CDC42BPG: variants seen among roughly 807,000 people sequenced by gnomAD.
CDC42BPG encodes CDC42 binding protein kinase gamma, also known as serine/threonine-protein kinase MRCK gamma.
A neutral mutation model predicts 192.2 loss-of-function variants in CDC42BPG; 157 were observed. That is an observed-to-expected ratio of 0.82 (90% CI 0.72 to 0.93). The LOEUF (loss-of-function observed/expected upper bound fraction) is 0.93. CDC42BPG is among the 40% of genes least tolerant of loss of function. CDC42BPG has a pLI of 0.00. For missense variants in CDC42BPG, 1,992 were observed against 2,122.1 expected, an observed-to-expected ratio of 0.94 and a Z score of 1.20; for synonymous variants, 981 against 918.5, an observed-to-expected ratio of 1.07 and a Z score of -1.23.
Position 64,836,783 on chromosome 11 carries a change from T to G in CDC42BPG, c.1340A>C (p.Glu447Ala). 6.5e-7 allele frequency: 1 copy of G among 1,537,858 alleles called. No individual in the cohort carries two copies. Among genetic ancestry groups the G allele is most frequent in the Non-Finnish European group, 8.8e-7 (1 of 1,136,940 alleles). Residue 447 changes from glutamate to alanine, a missense_variant, in exon 11 of 37, where the codon GAG (glutamate) becomes GCG (alanine). Coordinates refer to ENST00000342711, the MANE Select transcript of CDC42BPG (RefSeq NM_017525.3). ...AGTCTGCACTTCCTTCCGTAGCTGC[T>G]CCAGCTCCCGATGGTCTGTGGGGGC... The part of the protein sequence containing the change: ...LHAPTDHREL[E>A]QLRKEVQTLR...
intron 1 of CDC42BPG, among the ~76,000 whole-genome samples, chr11:64,844,155 G>A (rs1225768260): frequency 6.6e-6 from 1 of 152,102 alleles, no homozygotes. Flanking sequence ...CGATACCTGA[G>A]CACAAGTTGG....
intron 1 of CDC42BPG, among the ~76,000 whole-genome samples, chr11:64,843,214 C>T (rs1943358665): frequency 6.6e-6 from 1 of 152,034 alleles, no homozygotes; most frequent in Non-Finnish European, 1.5e-5. Context: ...TGAGTCACAG[C>T]CCTTTGAGTT....
chr11:64,836,608 T>C lies in CDC42BPG; in HGVS notation c.1385-78A>G, dbSNP rs1943003487. On this transcript the variant is annotated intron_variant, in intron 11 of 36. Coordinates refer to ENST00000342711, the MANE Select transcript of CDC42BPG (RefSeq NM_017525.3). ...CCCAGGAGCAAGTCTCCTTGGCCTG[T>C]TTCCCACACGCGGGCTCAGAGAGTA... 14 of 1,348,150 alleles carry C rather than the reference T, an allele frequency of 1.0e-5. No homozygotes were observed. The South Asian group carries it at 1.4e-4, about 13-fold the overall frequency. The allele number at this position is 1,348,150 out of a possible 1,614,324, so 83.5% of individuals were successfully genotyped here. A position where few individuals can be genotyped will look rare whatever the true frequency, so the allele number is the denominator to read the frequency against.
Position 64,836,548 on chromosome 11 carries a change from T to C in CDC42BPG, c.1385-18A>G. On this transcript the variant is annotated intron_variant, in intron 11 of 36. Transcript: ENST00000342711. ...CAGCATCTCTGCCAGGAAGAGTCAC[T>C]GAGACCTCGAGTGCTGGCGGCCCCA... 6.2e-7 allele frequency: 1 copy of C among 1,607,248 alleles called. No individual in the cohort carries two copies. The highest frequency in any genetic ancestry group is 1.1e-5 in the South Asian group (1 of 90,986).
intron 5 of CDC42BPG, 66 bp from the exon 6 acceptor site, chr11:64,839,637 GC>G: frequency 7.4e-7 from 1 of 1,343,792 alleles, no homozygotes; most frequent in Non-Finnish European, 1.0e-6. Flanking sequence ...TTAGGCACAC[GC>G]CCAGGTGCAC....
rs1294869407 is a variant in CDC42BPG at position 64,834,970 on chromosome 11, G to A, written c.2061-7C>T. ...GACCTTCTCATCATTCACCCTGAAT[G>A]GGAAGGGGCTCAGGGTCATGGGCTG... is the stretch of plus-strand genomic sequence containing the variant. On this transcript the variant is annotated splice_region_variant and splice_polypyrimidine_tract_variant and intron_variant, in intron 17 of 36. Coordinates refer to ENST00000342711, the MANE Select transcript of CDC42BPG (RefSeq NM_017525.3). 6.2e-7 allele frequency: 1 copy of A among 1,613,528 alleles called. No homozygotes were observed. The highest frequency in any genetic ancestry group is 1.7e-5 in the Admixed American group (1 of 60,012).
chr11:64,834,666 C>G (rs570303403), intron 18 of CDC42BPG, 89 bp from the exon 19 acceptor site: 1 of 1,441,542 alleles, frequency 6.9e-7, no homozygotes, highest in African/African-American at 1.4e-5. Flanking sequence ...GCTACCCATG[C>G]CACCCAGCCA....
In CDC42BPG at chr11:64,838,697, T is replaced by C; in HGVS notation, c.1082A>G (p.Asp361Gly). Residue 361 changes from aspartate to glycine, a missense_variant, in exon 8 of 37, where the codon GAC (aspartate) becomes GGC (glycine). Coordinates refer to ENST00000342711, the MANE Select transcript of CDC42BPG (RefSeq NM_017525.3). The stretch of plus-strand genomic sequence containing the variant: ...GTCATCCACATCAAAGTTGGAGGTG[T>C]CCATGGGCCCCCGCAGCTCAGGAAT... ...PYIPELRGPM[D>G]TSNFDVDDDT... 1 of 1,613,190 alleles carries C rather than the reference T, an allele frequency of 6.2e-7. No homozygotes were observed.
In CDC42BPG at chr11:64,826,700, C is replaced by A. The variant is rs1449763508; in HGVS notation, c.4484G>T (p.Ser1495Ile). Residue 1495 changes from serine (S) to isoleucine (I), a missense_variant, in exon 35 of 37, where the codon AGC (serine) becomes ATC (isoleucine). Ser to Ile is a moderately radical substitution (Grantham distance 142). This residue lies in a region of CDC42BPG where 336 missense variants were observed against 277.9 expected (regional missense o/e 1.21). Coordinates refer to ENST00000342711, the MANE Select transcript of CDC42BPG (RefSeq NM_017525.3). ...GTCTGCGTCTCCACCGAGGCCTTCG[C>A]TGCCCATGGAGGCTGGGCGCCGCAA... ...EALRRPASMGSEGLGGDADPM... is the reference protein window; with the variant it reads ...EALRRPASMGIEGLGGDADPM... 4 of 1,557,254 alleles carry A rather than the reference C, an allele frequency of 2.6e-6. No individual in the cohort carries two copies. Among genetic ancestry groups the A allele is most frequent in the African/African-American group, 1.4e-5 (1 of 74,012 alleles).
chr11:64,832,527 C>A lies in CDC42BPG; in HGVS notation c.3006-18G>T. ...GGGGGTCCCTGGGAGGTTCACAGAA[C>A]AGGTCAGAAATCTCCCTGTCCCTGA... is the stretch of plus-strand genomic sequence containing the variant. On this transcript the variant is annotated intron_variant, in intron 26 of 36. Transcript: ENST00000342711. 1 of 1,613,986 alleles carries A rather than the reference C, an allele frequency of 6.2e-7. No homozygotes were observed. Among genetic ancestry groups the A allele is most frequent in the Non-Finnish European group, 8.5e-7 (1 of 1,179,928 alleles).
Position 64,824,542 on chromosome 11 carries a change from G to GA in CDC42BPG, c.4600-14dup. On this transcript the variant is annotated splice_polypyrimidine_tract_variant and intron_variant, in intron 36 of 36. Transcript: ENST00000342711. ...GCCGTTCTGAGACCTGCAGGAGAAA[G>GA]AAAAGGAAGTCAAGGGGTAGGATCA... 6.3e-7 allele frequency: 1 copy of GA among 1,595,412 alleles called. No individual in the cohort carries two copies. The highest frequency in any genetic ancestry group is 8.6e-7 in the Non-Finnish European group (1 of 1,163,474).
At position 64,835,117 on chromosome 11, in the gene CDC42BPG, G is replaced by T; in HGVS notation, c.1990C>A (p.Gln664Lys). 1 of 1,601,604 alleles carries T rather than the reference G, an allele frequency of 6.2e-7. No homozygotes were observed. ...AELAQEQESK[Q>K]RLEGERRETE... ...TCCCGCCGCTCACCCTCCAGCCGCTGCTTGCTCTCCTGCTCCTGGGCCAGC... is the reference window on the plus strand; with the variant it reads ...TCCCGCCGCTCACCCTCCAGCCGCTTCTTGCTCTCCTGCTCCTGGGCCAGC... The change falls in exon 17 of 37, where the codon CAG (glutamine) becomes AAG (lysine). Residue 664 changes from glutamine (Q) to lysine (K), a missense_variant. Physicochemically the swap from Gln to Lys is moderately conservative, Grantham distance 53. This residue lies in a region of CDC42BPG where 1,656 missense variants were observed against 1,844.3 expected (regional missense o/e 0.90). Transcript: ENST00000342711.
At chr11:64,826,858 C>A in intron 34 of CDC42BPG, 64 bp from the exon 35 acceptor site, 1 of 1,446,108 alleles carries the variant, frequency 6.9e-7, no homozygotes, top group Non-Finnish European at 9.1e-7. Context: ...AGGCCCAAGG[C>A]ACAACAGACC....
Position 64,834,344 on chromosome 11 carries a change from C to G in CDC42BPG, c.2335G>C (p.Glu779Gln). ...AQLQAERRLQ[E>Q]AEKQSQALQQ... is the part of the protein sequence containing the mutation. ...AGGGCCTGGCTCTGCTTCTCGGCCT[C>G]CTGCAGACGGCTGGGGAGAATGGCA... The change falls in exon 20 of 37, where the codon GAG becomes CAG. Residue 779 changes from glutamate (E) to glutamine (Q), a missense_variant. Physicochemically the swap from Glu to Gln is conservative, Grantham distance 29. Coordinates refer to ENST00000342711, the MANE Select transcript of CDC42BPG (RefSeq NM_017525.3). The G allele has an allele frequency of 1.9e-6, 3 of 1,571,572 alleles. No individual in the cohort carries two copies. The highest frequency in any genetic ancestry group is 2.6e-6 in the Non-Finnish European group (3 of 1,162,536).
Position 64,836,233 on chromosome 11 carries a change from G to T in CDC42BPG, c.1552C>A (p.Gln518Lys). The change falls in exon 13 of 37, where the codon CAG becomes AAG. Residue 518 changes from glutamine (Q) to lysine (K), a missense_variant. Gln to Lys is a moderately conservative substitution (Grantham distance 53, BLOSUM62 1). This residue lies in a region of CDC42BPG where 1,656 missense variants were observed against 1,844.3 expected (regional missense o/e 0.90). Coordinates refer to ENST00000342711, the MANE Select transcript of CDC42BPG (RefSeq NM_017525.3). ...AGCCTCTGAAGCAGCTCCTCCTGCT[G>T]CCCCTGGGCCCTGCAGAGCTCCTGC... is the stretch of plus-strand genomic sequence containing the variant. ...QEQELCRAQG[Q>K]QEELLQRLQE... The T allele has an allele frequency of 6.2e-7, 1 of 1,600,196 alleles. No individual in the cohort carries two copies.
rs1324965355 is a variant in CDC42BPG, at chr11:64,830,207, A to G, written c.3354T>C (p.His1118=). Residue 1118 remains histidine, a synonymous_variant, in exon 29 of 37, where the codon CAT becomes CAC. Coordinates refer to ENST00000342711, the MANE Select transcript of CDC42BPG (RefSeq NM_017525.3). ...TTTGATAGGTACCGTTGCTGCGCAG[A>G]TGGATGACAAAGAGCCCCTCCTCGG... The part of the protein sequence containing the change: ...LGTEEGLFVI[H]LRSNDIFQVG... 8.7e-6 allele frequency: 14 copies of G among 1,613,618 alleles called. No homozygotes were observed. The highest frequency in any genetic ancestry group is 1.2e-5 in the Non-Finnish European group (14 of 1,179,806).
chr11:64,829,354 G>T, intron 30 of CDC42BPG, 117 bp downstream of exon 30: 1 of 1,326,942 alleles, frequency 7.5e-7, no homozygotes, highest in Non-Finnish European at 1.0e-6. Flanking sequence ...TGGGCTGGAG[G>T]ATGCAAACTG....
rs777302382 is a variant in CDC42BPG, at chr11:64,838,109, G to A, written c.1179C>T (p.Phe393=). Residue 393 remains phenylalanine, a synonymous_variant, in exon 9 of 37, where the codon TTC becomes TTT. Transcript: ENST00000342711. ...TGCCTGAGGTGTAGGTGAAGCCCAC[G>A]AATGGCAGGTGATGGCCGGAGAAGG... ...HGAFSGHHLP[F]VGFTYTSGSH... 3.0e-5 allele frequency: 46 copies of A among 1,552,838 alleles called. No homozygotes were observed. The East Asian group carries it at 7.5e-4, about 25-fold the overall frequency.
At chr11:64,825,983 G>A (rs1942397380) in intron 36 of CDC42BPG, among the ~76,000 whole-genome samples, 1 of 149,602 alleles carries the variant, frequency 6.7e-6, no homozygotes, top group South Asian at 2.1e-4. Flanking sequence ...TAGGAGACTT[G>A]CTCAAATGTG....
Sources: allele counts gnomAD v4.1 joint callset (sites outside exome capture counted in the v4.1 genomes callset), GRCh38; gene constraint gnomAD v4.1.1; regional missense constraint gnomAD v4.1.1; transcripts MANE v1.5; gene names NCBI Gene and HGNC (gene_info 2026-07-23, HGNC 2026-07-21).